The following SESN3 variants were observed in gnomAD, a reference collection of about 807,000 sequenced individuals.
The protein encoded by SESN3 is sestrin 3.
In SESN3, 21 loss-of-function variants were observed where a neutral mutation model predicts 55.3. The ratio of observed to expected loss-of-function variants is 0.38; its 90% CI spans 0.27 to 0.55. SESN3 has a LOEUF of 0.55. Among genes scored for constraint, SESN3 ranks in the 20% least tolerant of loss-of-function variants. The pLI, the probability that SESN3 is intolerant of heterozygous loss-of-function variation, is 0.76. For synonymous variants in SESN3, 181 were observed against 203.1 expected (o/e 0.89, Z 0.93); for missense variants, 408 against 604.3 (o/e 0.68, Z 3.41).
chr11:95,230,838 G>A lies in SESN3; in HGVS notation c.23C>T (p.Pro8Leu), dbSNP rs992727115. The change falls in exon 1 of 10, where the codon CCG becomes CTG. Residue 8 changes from proline (P) to leucine (L), a missense_variant. Physicochemically the swap from Pro to Leu is moderately conservative, Grantham distance 98 (BLOSUM62 -3). Transcript: ENST00000536441. The surrounding 1 kb of genome is among the most constrained non-coding windows in gnomAD (Gnocchi z 4.6). MNRGGGSPSAAANYLLCT... is the reference protein window; with the variant it reads MNRGGGSLSAAANYLLCT... ...GAGCAGGTAGTTGGCGGCGGCCGACGGGCTGCCGCCGCCCCGGTTCATCGT... is the reference window on the plus strand; with the variant it reads ...GAGCAGGTAGTTGGCGGCGGCCGACAGGCTGCCGCCGCCCCGGTTCATCGT... The A allele has an allele frequency of 6.3e-7, 1 of 1,584,622 alleles. No homozygotes were observed. Among genetic ancestry groups the A allele is most frequent in the Non-Finnish European group, 8.5e-7 (1 of 1,169,936 alleles).
chr11:95,229,057 CAA>C (rs1484319446), intron 1 of SESN3, among the ~76,000 whole-genome samples: 1 of 152,158 alleles, frequency 6.6e-6, no homozygotes, highest in Non-Finnish European at 1.5e-5. Flanking sequence ...ATTTTTTTAT[CAA>C]AGTCAATACA....
chr11:95,176,600 G>A (rs1448653989), intron 8 of SESN3, among the ~76,000 whole-genome samples: 2 of 152,164 alleles, frequency 1.3e-5, no homozygotes, highest in Non-Finnish European at 2.9e-5. Context: ...GTAGTATTGG[G>A]AACTTGTGGA....
chr11:95,230,880 G>T lies in SESN3; in HGVS notation c.-20C>A. 2 of 1,544,166 alleles carry T rather than the reference G, an allele frequency of 1.3e-6. No homozygotes were observed. Among genetic ancestry groups the T allele is most frequent in the Non-Finnish European group, 1.7e-6 (2 of 1,152,422 alleles). On this transcript the variant is annotated 5_prime_UTR_variant, in exon 1 of 10. Transcript: ENST00000536441. This position sits in a 1 kb window ranked among gnomAD's most constrained non-coding sequence, Gnocchi z 4.6. Reference sequence around the variant, plus strand: ...GTTCATCGTGGCTGCGGGCGCCGAGGCGAGAGCGGGCGGAGGGCCGGGTCC... The same window carrying T: ...GTTCATCGTGGCTGCGGGCGCCGAGTCGAGAGCGGGCGGAGGGCCGGGTCC...
intron 3 of SESN3, 60 bp downstream of exon 3, chr11:95,191,344 G>T: frequency 7.7e-7 from 1 of 1,293,038 alleles, no homozygotes; most frequent in Non-Finnish European, 1.1e-6. Context: ...TGCCTATTTT[G>T]GAAGGGAGAA....
chr11:95,209,695 T>C (rs1384560872), intron 1 of SESN3, among the ~76,000 whole-genome samples: 1 of 151,146 alleles, frequency 6.6e-6, no homozygotes, highest in Non-Finnish European at 1.5e-5. Flanking sequence ...GTGGCACATA[T>C]ACACTATGGA....
chr11:95,176,699 AT>A (rs1052968585), intron 8 of SESN3, among the ~76,000 whole-genome samples: 1 of 152,164 alleles, frequency 6.6e-6, no homozygotes, highest in African/African-American at 2.4e-5. Context: ...TGTAAGCTTT[AT>A]TTTGTAGCAT....
intron 1 of SESN3, among the ~76,000 whole-genome samples, chr11:95,222,155 A>G (rs1160386704): frequency 6.6e-6 from 1 of 152,214 alleles, no homozygotes; most frequent in African/African-American, 2.4e-5. Context: ...GAAGTGGAGC[A>G]TGTGTCCATT....
chr11:95,212,881 A>G (rs1172634294), intron 1 of SESN3, among the ~76,000 whole-genome samples: 1 of 152,080 alleles, frequency 6.6e-6, no homozygotes, highest in African/African-American at 2.4e-5. Flanking sequence ...CTTTATCTCA[A>G]TGCATCTTTA....
chr11:95,186,194 C>CTG (rs35466696), intron 4 of SESN3, among the ~76,000 whole-genome samples: 3,000 of 107,592 alleles, frequency 0.028, 86 homozygotes, highest in Non-Finnish European at 0.038. Context: ...CTATCTCTCA[C>CTG]TGTGTGTGTG....
rs1166010117 is a variant in SESN3, at chr11:95,231,157, C to CGCCACCGCT, written c.-306_-298dup. 32 of 416,924 alleles carry CGCCACCGCT rather than the reference C, an allele frequency of 7.7e-5. No individual in the cohort carries two copies. In the South Asian group the frequency reaches 9.1e-4, roughly 12 times the overall value. 25.8% of individuals were successfully genotyped at this position (416,924 alleles called of 1,614,324 possible). On this transcript the variant is annotated 5_prime_UTR_variant, in exon 1 of 10. Coordinates refer to ENST00000536441, the MANE Select transcript of SESN3 (RefSeq NM_144665.4). ...CCCCCGCCAGGCTAGGACGAGCAGCCGCCACCGCTGCCACCGCCACCACCG... is the reference window on the plus strand; with the variant it reads ...CCCCCGCCAGGCTAGGACGAGCAGCCGCCACCGCTGCCACCGCTGCCACCGCCACCACCG...
rs1267658339 is a variant in SESN3, at chr11:95,185,344, C to T, written c.674G>A (p.Arg225Lys). 6.2e-7 allele frequency: 1 copy of T among 1,613,144 alleles called. No homozygotes were observed. The highest frequency in any genetic ancestry group is 8.5e-7 in the Non-Finnish European group (1 of 1,179,356). ...GCAGAAATTGTTGACTGATATTAGCCTGAATCCATTGGAGATTTCTGGATC... is the reference window on the plus strand; with the variant it reads ...GCAGAAATTGTTGACTGATATTAGCTTGAATCCATTGGAGATTTCTGGATC... ...ERDPEISNGF[R>K]LISVNNFCVC... The change falls in exon 5 of 10, where the codon AGG becomes AAG. Residue 225 changes from arginine to lysine, a missense_variant. Physicochemically the swap from Arg to Lys is conservative, Grantham distance 26. Transcript: ENST00000536441.
At chr11:95,223,916 C>T (rs201241870) in intron 1 of SESN3, among the ~76,000 whole-genome samples, 1 of 151,836 alleles carries the variant, frequency 6.6e-6, no homozygotes, top group South Asian at 2.1e-4. Flanking sequence ...AAATTAAACC[C>T]GAGAAAACTC....
At chr11:95,181,130 C>T (rs1274138115) in intron 6 of SESN3, among the ~76,000 whole-genome samples, 1 of 152,090 alleles carries the variant, frequency 6.6e-6, no homozygotes, top group Non-Finnish European at 1.5e-5. Flanking sequence ...TGACACTGCA[C>T]AACCAAATGG....
At chr11:95,181,047 A>T (rs1393394100) in intron 6 of SESN3, among the ~76,000 whole-genome samples, 1 of 152,138 alleles carries the variant, frequency 6.6e-6, no homozygotes, top group Non-Finnish European at 1.5e-5. Context: ...TTTGCAAAGT[A>T]AAATAAAGCC....
intron 8 of SESN3, among the ~76,000 whole-genome samples, chr11:95,177,350 C>A (rs1446111189): frequency 6.6e-6 from 1 of 151,994 alleles, no homozygotes; most frequent in Non-Finnish European, 1.5e-5. Context: ...TTAAAAAGAC[C>A]AAACTAACTA....
At chr11:95,212,195 C>T (rs1195854835) in intron 1 of SESN3, among the ~76,000 whole-genome samples, 4 of 152,094 alleles carry the variant, frequency 2.6e-5, no homozygotes, top group South Asian at 2.1e-4. Flanking sequence ...CTTTTCCATA[C>T]AGTAATGTAT....
intron 4 of SESN3, 86 bp from the exon 5 acceptor site, chr11:95,185,578 T>C (rs917428399): frequency 4.7e-6 from 4 of 843,060 alleles, no homozygotes; most frequent in Non-Finnish European, 7.9e-6. Context: ...AATTTTCATA[T>C]ATCCACTTAG....
rs1456211142 is a variant in SESN3, at chr11:95,171,091, C to T, written c.*2164G>A. 6.6e-6 allele frequency: 1 copy of T among 152,030 alleles called. No homozygotes were observed. The highest frequency in any genetic ancestry group is 1.5e-5 in the Non-Finnish European group (1 of 67,968). The allele number at this position is 152,030 out of a possible 1,614,324, so 9.4% of individuals were successfully genotyped here. ...TTTATCCTGTTATACAGTTCGCCTG[C>T]ACAAAAATATAGGGCTATTAATTGA... On this transcript the variant is annotated 3_prime_UTR_variant, in exon 10 of 10. Coordinates refer to ENST00000536441, the MANE Select transcript of SESN3 (RefSeq NM_144665.4).
intron 1 of SESN3, among the ~76,000 whole-genome samples, chr11:95,208,567 C>G (rs1041931760): frequency 2.0e-5 from 3 of 151,390 alleles, no homozygotes; most frequent in East Asian, 1.9e-4. Flanking sequence ...TTGAAAGAAA[C>G]TACTTTAAAT....
Sources: gnomAD v4.1 joint callset for allele counts (sites outside exome capture counted in the v4.1 genomes callset) on GRCh38, gnomAD v4.1.1 for gene constraint, Gnocchi (gnomAD v3.1) non-coding constraint, MANE v1.5 for transcripts, NCBI Gene and HGNC (gene_info 2026-07-23, HGNC 2026-07-21) for gene names.